Variants in ITSN1 observed in about 807,000 individuals in gnomAD.
ITSN1 encodes intersectin 1.
Under a neutral mutation model 239.8 loss-of-function variants are expected in ITSN1, and 58 were observed. The ratio of observed to expected loss-of-function variants is 0.24; its 90% CI spans 0.20 to 0.30. ITSN1 has a LOEUF of 0.30. Among genes scored for constraint, ITSN1 ranks in the 10% least tolerant of loss-of-function variants. ITSN1 has a pLI of 1.00. For missense variants in ITSN1, 1,558 were observed against 2,103.3 expected (o/e 0.74, Z 5.07); for synonymous variants, 780 against 770.8 (o/e 1.01, Z -0.20).
At position 33,688,082 on chromosome 21, in the gene ITSN1, C is replaced by CT. The variant is rs780612985; in HGVS notation, c.-32-30703dup. Among the ~76,000 whole-genome samples, 871 of 143,144 alleles carry CT rather than the reference C, an allele frequency of 6.1e-3. 8 individuals carry two copies. Among genetic ancestry groups the CT allele is most frequent in the African/African-American group, 0.019 (737 of 39,376 alleles). 93.9% of individuals were successfully genotyped at this position (143,144 alleles called of 152,430 possible). On this transcript the variant is annotated intron_variant, in intron 1 of 39. Coordinates refer to ENST00000381318, the MANE Select transcript of ITSN1 (RefSeq NM_003024.3). ...AAAAAATCATCACTGTTTTGTTTGCCTTTTTTTTTTTTCTTGAAAAGGCAT... is the reference window on the plus strand; with the variant it reads ...AAAAAATCATCACTGTTTTGTTTGCCTTTTTTTTTTTTTCTTGAAAAGGCAT...
rs73201763 is a variant in ITSN1, at chr21:33,845,699, C to T, written c.3661+9067C>T. Among the ~76,000 whole-genome samples, 930 of 152,288 alleles carry T rather than the reference C, an allele frequency of 6.1e-3. 9 individuals carry two copies. Among genetic ancestry groups the T allele is most frequent in the Non-Finnish European group, 7.9e-3 (536 of 68,016 alleles). On this transcript the variant is annotated intron_variant, in intron 29 of 39. Coordinates refer to ENST00000381318, the MANE Select transcript of ITSN1 (RefSeq NM_003024.3). ...GAGGGGAAACTGGGCTGACTGGTTA[C>T]GGAGCTGCTCTACAGGAGCCTGCTC...
At chr21:33,874,631 G>A (rs1347860549) in intron 33 of ITSN1, among the ~76,000 whole-genome samples, 1 of 150,838 alleles carries the variant, frequency 6.6e-6, no homozygotes, top group Non-Finnish European at 1.5e-5. Context: ...CTGTGAAACA[G>A]GGTGAATATT....
chr21:33,867,128 A>C (rs1981745788), intron 32 of ITSN1, 105 bp from the exon 33 acceptor site: 4 of 704,848 alleles, frequency 5.7e-6, no homozygotes, highest in Non-Finnish European at 1.0e-5. Flanking sequence ...TGTCATCCAG[A>C]TAAATGAGAT....
intron 5 of ITSN1, among the ~76,000 whole-genome samples, chr21:33,745,468 C>G (rs2067123406): frequency 6.6e-6 from 1 of 152,190 alleles, no homozygotes; most frequent in East Asian, 1.9e-4. Context: ...CATTTCAGTG[C>G]TCTGGAAATT....
At chr21:33,678,409 C>T (rs760266101) in intron 1 of ITSN1, among the ~76,000 whole-genome samples, 5 of 152,246 alleles carry the variant, frequency 3.3e-5, no homozygotes, top group East Asian at 1.9e-4. Context: ...TCTTCCTATT[C>T]GAGAATGTAA....
Position 33,750,233 on chromosome 21 carries a change from TAGTA to T in ITSN1, c.438_441del (p.Val147LeufsTer47). On this transcript the variant is annotated frameshift_variant, in exon 6 of 40. Coordinates refer to ENST00000381318, the MANE Select transcript of ITSN1 (RefSeq NM_003024.3). LOFTEE classifies it high-confidence loss of function. ...CCAGTTGTTGGAATGTCTCCAACCC[TAGTA>T]TCTTCTGTTCCCACAGCAGCTGTGC... The T allele has an allele frequency of 6.2e-7, 1 of 1,614,178 alleles. No individual in the cohort carries two copies. Among genetic ancestry groups the T allele is most frequent in the Non-Finnish European group, 8.5e-7 (1 of 1,180,006 alleles).
intron 1 of ITSN1, among the ~76,000 whole-genome samples, chr21:33,701,275 A>AT (rs1398459082): frequency 6.6e-6 from 1 of 151,824 alleles, no homozygotes; most frequent in Non-Finnish European, 1.5e-5. Context: ...GTTTTTGTGT[A>AT]TTTTTTGTAG....
At chr21:33,681,511 T>C (rs867857007) in intron 1 of ITSN1, among the ~76,000 whole-genome samples, 1 of 152,068 alleles carries the variant, frequency 6.6e-6, no homozygotes, top group Non-Finnish European at 1.5e-5. Context: ...ATCATGCCAT[T>C]GCACTCCAGC....
At chr21:33,831,604 G>A (rs756608777) in intron 27 of ITSN1, among the ~76,000 whole-genome samples, 26 of 152,166 alleles carry the variant, frequency 1.7e-4, no homozygotes, top group Admixed American at 1.4e-3. Context: ...GGAACAGCAG[G>A]AGCAGGAAGG....
At chr21:33,800,889 ACTGCAACCTCTGCCTCC>A (rs565204718) in intron 19 of ITSN1, among the ~76,000 whole-genome samples, 3,224 of 144,092 alleles carry the variant, frequency 0.022, 52 homozygotes, top group African/African-American at 0.046. Context: ...ATATTGGCTC[ACTGCAACCTCTGCCTCC>A]CTGCAACCTC....
intron 1 of ITSN1, among the ~76,000 whole-genome samples, chr21:33,700,146 C>T (rs1188692273): frequency 1.3e-5 from 2 of 151,890 alleles, no homozygotes; most frequent in Non-Finnish European, 2.9e-5. Context: ...TGCAGTGGCA[C>T]GATCTCAGCT....
chr21:33,817,858 A>G (rs781573278), intron 22 of ITSN1: 11 of 328,058 alleles, frequency 3.4e-5, no homozygotes, highest in Non-Finnish European at 5.6e-5. Context: ...ATGATAGTTC[A>G]TAAAATGTCT....
At chr21:33,706,975 G>A (rs1221837220) in intron 1 of ITSN1, among the ~76,000 whole-genome samples, 2 of 151,988 alleles carry the variant, frequency 1.3e-5, no homozygotes, top group Non-Finnish European at 1.5e-5. Context: ...CACCCGCCTC[G>A]GCCTCCCAAA....
At chr21:33,699,150 A>AT (rs1033378154) in intron 1 of ITSN1, among the ~76,000 whole-genome samples, 1 of 152,090 alleles carries the variant, frequency 6.6e-6, no homozygotes, top group Non-Finnish European at 1.5e-5. Flanking sequence ...AAATATACAC[A>AT]TTTTTATGTT....
At chr21:33,885,822 A>G (rs1417619926) in intron 38 of ITSN1, among the ~76,000 whole-genome samples, 1 of 152,148 alleles carries the variant, frequency 6.6e-6, no homozygotes, top group African/African-American at 2.4e-5. Flanking sequence ...TCAATTAAGT[A>G]TTTGTTTTTA....
Position 33,710,187 on chromosome 21 carries a change from T to C in ITSN1, c.-32-8610T>C, listed in dbSNP as rs189117799. Among the ~76,000 whole-genome samples the C allele has an allele frequency of 2.7e-3, 415 of 151,664 alleles. 2 individuals carry two copies. Among genetic ancestry groups the C allele is most frequent in the African/African-American group, 9.6e-3 (397 of 41,378 alleles). On this transcript the variant is annotated intron_variant, in intron 1 of 39. Transcript: ENST00000381318. ...TCTGCCTCCCGGGTTCACGCCATTCTCCTGCCTCAGCTTCCCGAGTAGCTG... is the reference window on the plus strand; with the variant it reads ...TCTGCCTCCCGGGTTCACGCCATTCCCCTGCCTCAGCTTCCCGAGTAGCTG...
In ITSN1 at chr21:33,774,767, G is replaced by A; in HGVS notation, c.1344G>A (p.Glu448=). Residue 448 remains glutamate, a synonymous_variant, in exon 13 of 40, where the codon GAG becomes GAA. Transcript: ENST00000381318. ...KRELERQRQL[E]WERNRRQELL... is the part of the protein sequence containing the mutation. Reference sequence around the variant, plus strand: ...AACTTGAAAGGCAACGACAACTTGAGTGGGAACGGAATCGAAGGCAAGAAC... The same window carrying A: ...AACTTGAAAGGCAACGACAACTTGAATGGGAACGGAATCGAAGGCAAGAAC... The A allele has an allele frequency of 6.2e-7, 1 of 1,614,026 alleles. No individual in the cohort carries two copies. Among genetic ancestry groups the A allele is most frequent in the Non-Finnish European group, 8.5e-7 (1 of 1,179,962 alleles).
chr21:33,785,039 G>A (rs771426028), intron 16 of ITSN1, among the ~76,000 whole-genome samples: 2 of 152,108 alleles, frequency 1.3e-5, no homozygotes, highest in Non-Finnish European at 1.5e-5. Context: ...GAAGCCAGCT[G>A]GAGAGTACAG....
At chr21:33,823,891 C>T (rs1391073459) in intron 25 of ITSN1, among the ~76,000 whole-genome samples, 3 of 152,116 alleles carry the variant, frequency 2.0e-5, no homozygotes, top group Non-Finnish European at 4.4e-5. Context: ...GGGGCTGGTC[C>T]GCATCAGCTG....
Sources: gnomAD v4.1 joint callset for allele counts (sites outside exome capture counted in the v4.1 genomes callset) on GRCh38, gnomAD v4.1.1 for gene constraint, MANE v1.5 for transcripts, NCBI Gene and HGNC (gene_info 2026-07-23, HGNC 2026-07-21) for gene names.